Variants in SPHKAP observed in about 807,000 individuals in gnomAD.
The protein encoded by SPHKAP is SPHK1 interactor, AKAP domain containing.
SPHKAP carries 67 observed loss-of-function variants against 137.5 expected under a neutral mutation model. The observed-to-expected ratio is 0.49, with a 90% CI of 0.40 to 0.60. SPHKAP has a LOEUF of 0.60. Ranked by LOEUF, SPHKAP falls within the 20% of genes least tolerant of loss-of-function variation. The probability of loss-of-function intolerance (pLI) is 0.00; values close to 1 mark genes in which losing one functional copy is unlikely to be tolerated. For synonymous variants in SPHKAP, 813 were observed against 785.3 expected (o/e 1.04, Z -0.59); for missense variants, 2,097 against 2,069.3 (o/e 1.01, Z -0.26).
intron 3 of SPHKAP, among the ~76,000 whole-genome samples, chr2:228,083,493 A>T (rs1473837018): frequency 6.6e-6 from 1 of 152,162 alleles, no homozygotes; most frequent in Non-Finnish European, 1.5e-5. Context: ...TCTTTTGACA[A>T]GTGTCTGTTC....
intron 2 of SPHKAP, chr2:228,131,336 T>G (rs1273794652): frequency 1.0e-6 from 1 of 982,332 alleles, no homozygotes; most frequent in African/African-American, 1.8e-5. Context: ...CAGCAAACAG[T>G]GACAAAAGCA....
At chr2:228,035,861 T>C (rs10191476) in intron 3 of SPHKAP, among the ~76,000 whole-genome samples, 58,076 of 151,886 alleles carry the variant, frequency 0.38, 11,549 homozygotes, top group South Asian at 0.51. Flanking sequence ...CCCTTCCTTA[T>C]GCCCTATACA....
At chr2:228,084,563 AT>A (rs1697479956) in intron 3 of SPHKAP, among the ~76,000 whole-genome samples, 2 of 152,204 alleles carry the variant, frequency 1.3e-5, no homozygotes, top group African/African-American at 4.8e-5. Context: ...GAATCCATTA[AT>A]TTTTTATCAT....
chr2:228,007,124 C>T (rs1361253549), intron 7 of SPHKAP, among the ~76,000 whole-genome samples: 1 of 152,212 alleles, frequency 6.6e-6, no homozygotes, highest in Non-Finnish European at 1.5e-5. Context: ...GAACTGCAGA[C>T]TGGAGCTGTT....
chr2:228,098,780 G>C (rs1456601705), intron 3 of SPHKAP, among the ~76,000 whole-genome samples: 1 of 146,118 alleles, frequency 6.8e-6, no homozygotes, highest in Non-Finnish European at 1.5e-5. Context: ...AAAAAAAAGT[G>C]TCTGTTCATG....
chr2:228,006,107 T>A (rs1694117869), intron 7 of SPHKAP, among the ~76,000 whole-genome samples: 1 of 152,210 alleles, frequency 6.6e-6, no homozygotes, highest in South Asian at 2.1e-4. Flanking sequence ...GTTGGGGAAG[T>A]TCTCCTGGAT....
chr2:228,054,917 A>T (rs1047740570), intron 3 of SPHKAP, among the ~76,000 whole-genome samples: 3 of 152,054 alleles, frequency 2.0e-5, no homozygotes, highest in Non-Finnish European at 4.4e-5. Context: ...GGGCAGGAAG[A>T]TGGCCTGAGG....
chr2:228,092,251 ATG>A (rs1397112005), intron 3 of SPHKAP, among the ~76,000 whole-genome samples: 7 of 143,786 alleles, frequency 4.9e-5, no homozygotes, highest in Non-Finnish European at 9.1e-5. Flanking sequence ...ACACGTGTAT[ATG>A]TGTGTATACG....
chr2:228,012,163 C>CAAAAAAAAA (rs544782857), intron 7 of SPHKAP, among the ~76,000 whole-genome samples: 17 of 84,904 alleles, frequency 2.0e-4, no homozygotes, highest in African/African-American at 4.9e-4. Context: ...GACTCTACCT[C>CAAAAAAAAA]AAAAAAAAAA....
At chr2:228,172,030 A>G (rs1700600367) in intron 1 of SPHKAP, among the ~76,000 whole-genome samples, 1 of 148,536 alleles carries the variant, frequency 6.7e-6, no homozygotes, top group African/African-American at 2.5e-5. Context: ...GGTATGTTGG[A>G]TTTTGTGAAA....
intron 2 of SPHKAP, among the ~76,000 whole-genome samples, chr2:228,128,122 A>C (rs1699134821): frequency 6.6e-6 from 1 of 152,104 alleles, no homozygotes; most frequent in Admixed American, 6.6e-5. Context: ...ACATTGATGA[A>C]CTCTATTTTC....
chr2:228,017,353 C>A lies in SPHKAP; in HGVS notation c.3501G>T (p.Ala1167=). Residue 1167 remains alanine, a synonymous_variant, in exon 7 of 12, where the codon GCG becomes GCT. Transcript: ENST00000392056. ...CACTGAGGTGGTCACTTTTCCGGCA[C>A]GCCTGTTGCATGGCTGAGTTCAGAA... ...SSILNSAMQQ[A]CRKSDHLSVR... The A allele has an allele frequency of 6.2e-7, 1 of 1,613,658 alleles. No individual in the cohort carries two copies. The highest frequency in any genetic ancestry group is 8.5e-7 in the Non-Finnish European group (1 of 1,179,786).
chr2:228,108,754 C>G, intron 3 of SPHKAP, 78 bp downstream of exon 3: 1 of 940,514 alleles, frequency 1.1e-6, no homozygotes, highest in Non-Finnish European at 1.6e-6. Context: ...AATTATGAAA[C>G]TTTTGGTCCT....
rs748165969 is a variant in SPHKAP, at chr2:228,018,955, G to A, written c.1899C>T (p.Tyr633=). Residue 633 remains tyrosine (Y), a synonymous_variant, in exon 7 of 12, where the codon TAC becomes TAT. Transcript: ENST00000392056. Reference sequence around the variant, plus strand: ...AGTCCAGAAAGTCTCCAATGCTGCTGTAGGTATTAGGCCTTGTTAAAACCA... The same window carrying A: ...AGTCCAGAAAGTCTCCAATGCTGCTATAGGTATTAGGCCTTGTTAAAACCA... ...AALVLTRPNT[Y]SSIGDFLDSM... 1.1e-5 allele frequency: 18 copies of A among 1,614,080 alleles called. No individual in the cohort carries two copies. The highest frequency in any genetic ancestry group is 1.4e-5 in the Non-Finnish European group (17 of 1,180,036).
chr2:228,060,952 C>T (rs1228382979), intron 3 of SPHKAP, among the ~76,000 whole-genome samples: 4 of 152,196 alleles, frequency 2.6e-5, no homozygotes, highest in Non-Finnish European at 5.9e-5. Flanking sequence ...ATGGCTTCAT[C>T]TCTAAGAGGA....
chr2:228,061,477 G>A (rs1370489066), intron 3 of SPHKAP, among the ~76,000 whole-genome samples: 3 of 151,914 alleles, frequency 2.0e-5, no homozygotes, highest in Non-Finnish European at 4.4e-5. Context: ...TCATCATGTT[G>A]ACTGGGCTGG....
chr2:228,118,324 G>A (rs1280203491), intron 2 of SPHKAP, among the ~76,000 whole-genome samples: 1 of 147,292 alleles, frequency 6.8e-6, no homozygotes, highest in East Asian at 2.0e-4. Flanking sequence ...TATAAATAAA[G>A]CTGCTATAAA....
rs1693394901 is a variant in SPHKAP at position 227,991,090 on chromosome 2, C to T, written c.4869G>A (p.Glu1623=). The change falls in exon 11 of 12, where the codon GAG becomes GAA. Residue 1623 remains glutamate (E), a synonymous_variant. Transcript: ENST00000392056. ...CTATCCACTGCAGAGTGGCTCGGAG[C>T]TCGGCATCTGGACACTCTGGCTCCA... ...FDLEPECPDA[E]LRATLQWIAA... The T allele has an allele frequency of 1.2e-6, 2 of 1,614,004 alleles. No homozygotes were observed. Among genetic ancestry groups the T allele is most frequent in the African/African-American group, 1.3e-5 (1 of 74,932 alleles).
intron 3 of SPHKAP, among the ~76,000 whole-genome samples, chr2:228,038,105 C>T (rs996726956): frequency 6.6e-6 from 1 of 152,150 alleles, no homozygotes; most frequent in Non-Finnish European, 1.5e-5. Context: ...GGTGTCAATG[C>T]TGGGTGCTGA....
Sources: allele counts gnomAD v4.1 joint callset (sites outside exome capture counted in the v4.1 genomes callset), GRCh38; gene constraint gnomAD v4.1.1; transcripts MANE v1.5; gene names NCBI Gene and HGNC (gene_info 2026-07-23, HGNC 2026-07-21).